The following UBE2E2 variants were observed in gnomAD, a reference collection of about 807,000 sequenced individuals.
The protein encoded by UBE2E2 is ubiquitin conjugating enzyme E2 E2.
UBE2E2 carries 6 observed loss-of-function variants against 24.7 expected under a neutral mutation model. The observed-to-expected ratio is 0.24, with a 90% CI of 0.13 to 0.48. The LOEUF (loss-of-function observed/expected upper bound fraction) is 0.48, where lower values mean the gene tolerates loss of function less well. Ranked by LOEUF, UBE2E2 falls within the 20% of genes least tolerant of loss-of-function variation. The pLI, the probability that UBE2E2 is intolerant of heterozygous loss-of-function variation, is 0.99. For synonymous variants in UBE2E2, 104 were observed against 83.6 expected (o/e 1.24, Z -1.33); for missense variants, 169 against 245.0 (o/e 0.69, Z 2.07).
intron 3 of UBE2E2, among the ~76,000 whole-genome samples, chr3:23,292,484 G>A (rs1410629264): frequency 2.0e-5 from 3 of 151,966 alleles, no homozygotes; most frequent in Non-Finnish European, 4.4e-5. Context: ...ACACTACATA[G>A]GGCCCAAGGC....
chr3:23,555,649 T>TATAC (rs1421264053), intron 5 of UBE2E2, among the ~76,000 whole-genome samples: 10 of 152,070 alleles, frequency 6.6e-5, no homozygotes, highest in Non-Finnish European at 1.2e-4. Context: ...AACTGTGGTG[T>TATAC]ATACATACAT....
chr3:23,486,294 G>A (rs1699369483), intron 3 of UBE2E2, among the ~76,000 whole-genome samples: 1 of 152,156 alleles, frequency 6.6e-6, no homozygotes, highest in Non-Finnish European at 1.5e-5. Flanking sequence ...TCCACTGCAG[G>A]CACCCACATC....
At chr3:23,417,429 C>G (rs1697667992) in intron 3 of UBE2E2, among the ~76,000 whole-genome samples, 1 of 152,200 alleles carries the variant, frequency 6.6e-6, no homozygotes, top group Non-Finnish European at 1.5e-5. Context: ...GAAGCTTCAT[C>G]CCAGAGGGGC....
chr3:23,485,652 G>C (rs1329919883), intron 3 of UBE2E2, among the ~76,000 whole-genome samples: 1 of 152,170 alleles, frequency 6.6e-6, no homozygotes, highest in African/African-American at 2.4e-5. Context: ...GGGAACTTTG[G>C]CCTGGCGCTG....
chr3:23,218,561 A>G (rs567299982), intron 3 of UBE2E2, among the ~76,000 whole-genome samples: 2 of 152,032 alleles, frequency 1.3e-5, no homozygotes, highest in Non-Finnish European at 2.9e-5. Flanking sequence ...ATCTTTAAAA[A>G]ACCCATATTA....
At chr3:23,321,643 G>T (rs1694740695) in intron 3 of UBE2E2, among the ~76,000 whole-genome samples, 1 of 148,118 alleles carries the variant, frequency 6.8e-6, no homozygotes, top group South Asian at 2.2e-4. Context: ...TGGGGGAATG[G>T]GGGTAGTCTC....
At chr3:23,312,694 T>C (rs553812627) in intron 3 of UBE2E2, among the ~76,000 whole-genome samples, 1 of 152,292 alleles carries the variant, frequency 6.6e-6, no homozygotes, top group Admixed American at 6.5e-5. Context: ...GCTTTCCTAG[T>C]TAAGATGCAT....
chr3:23,253,688 ATAT>A (rs1288568980), intron 3 of UBE2E2, among the ~76,000 whole-genome samples: 2 of 152,236 alleles, frequency 1.3e-5, no homozygotes, highest in Non-Finnish European at 2.9e-5. Context: ...GAAGTGAACA[ATAT>A]TATGTGAAGA....
At chr3:23,395,487 G>A (rs1215262438) in intron 3 of UBE2E2, among the ~76,000 whole-genome samples, 2 of 152,124 alleles carry the variant, frequency 1.3e-5, no homozygotes, top group African/African-American at 2.4e-5. Context: ...CAACCTATCC[G>A]AGAAGCATTC....
intron 4 of UBE2E2, among the ~76,000 whole-genome samples, chr3:23,514,559 A>C (rs1255550861): frequency 6.6e-6 from 1 of 152,136 alleles, no homozygotes; most frequent in African/African-American, 2.4e-5. Flanking sequence ...CCATAAAGGC[A>C]TCCAGTAAAC....
At chr3:23,279,234 C>T (rs1334917590) in intron 3 of UBE2E2, among the ~76,000 whole-genome samples, 1 of 152,114 alleles carries the variant, frequency 6.6e-6, no homozygotes, top group African/African-American at 2.4e-5. Context: ...GCTTACCCTG[C>T]TTTCTTCAGT....
At chr3:23,360,995 A>T (rs142522532) in intron 3 of UBE2E2, among the ~76,000 whole-genome samples, 1 of 152,128 alleles carries the variant, frequency 6.6e-6, no homozygotes, top group Non-Finnish European at 1.5e-5. Context: ...AGAAAAAAAA[A>T]TCCCATCAAA....
intron 5 of UBE2E2, among the ~76,000 whole-genome samples, chr3:23,542,833 T>C (rs1473138631): frequency 6.6e-6 from 1 of 152,206 alleles, no homozygotes; most frequent in Non-Finnish European, 1.5e-5. Context: ...ATAATCTTGG[T>C]GTAAATTTAG....
chr3:23,367,838 G>A (rs919726915), intron 3 of UBE2E2, among the ~76,000 whole-genome samples: 5 of 152,130 alleles, frequency 3.3e-5, no homozygotes, highest in African/African-American at 1.2e-4. Context: ...CTCCAGTTAG[G>A]TAGTGTCAGA....
chr3:23,287,108 G>C (rs1420024182), intron 3 of UBE2E2, among the ~76,000 whole-genome samples: 3 of 151,918 alleles, frequency 2.0e-5, no homozygotes, highest in African/African-American at 7.3e-5. Context: ...TATTCCTTCT[G>C]TACTCAGTTT....
intron 3 of UBE2E2, among the ~76,000 whole-genome samples, chr3:23,301,866 G>C (rs35776486): frequency 0.068 from 10,377 of 152,258 alleles, 508 homozygotes; most frequent in Non-Finnish European, 0.092. Context: ...GGGAGCTGTA[G>C]ACGGGAGCTG....
intron 3 of UBE2E2, among the ~76,000 whole-genome samples, chr3:23,271,692 C>G (rs1245482018): frequency 1.3e-5 from 2 of 152,064 alleles, no homozygotes; most frequent in African/African-American, 2.4e-5. Flanking sequence ...TAAAAGTTCT[C>G]CAAGTCCTCA....
intron 5 of UBE2E2, among the ~76,000 whole-genome samples, chr3:23,539,832 T>G (rs1408724690): frequency 6.6e-6 from 1 of 152,158 alleles, no homozygotes; most frequent in African/African-American, 2.4e-5. Flanking sequence ...TTGGAAATTT[T>G]CACTAAGTGA....
chr3:23,287,512 A>G (rs1218659327), intron 3 of UBE2E2, among the ~76,000 whole-genome samples: 1 of 151,954 alleles, frequency 6.6e-6, no homozygotes, highest in Non-Finnish European at 1.5e-5. Flanking sequence ...TAATTCTTTA[A>G]ATGTTTGATA....
Sources: gnomAD v4.1 joint callset for allele counts (sites outside exome capture counted in the v4.1 genomes callset) on GRCh38, gnomAD v4.1.1 for gene constraint, MANE v1.5 for transcripts, NCBI Gene and HGNC (gene_info 2026-07-23, HGNC 2026-07-21) for gene names.